Variants in ADAMTS3 observed in about 807,000 individuals in gnomAD.
ADAMTS3 encodes the protein ADAM metallopeptidase with thrombospondin type 1 motif 3.
A neutral mutation model predicts 129.0 loss-of-function variants in ADAMTS3; 73 were observed. That is an observed-to-expected ratio of 0.57 (90% CI 0.47 to 0.69). The LOEUF is 0.69. Ranked by LOEUF, ADAMTS3 falls within the 30% of genes least tolerant of loss-of-function variation. ADAMTS3 has a pLI of 0.00. For synonymous variants in ADAMTS3, 477 were observed against 510.8 expected (o/e 0.93, Z 0.89); for missense variants, 1,457 against 1,514.5 (o/e 0.96, Z 0.63).
chr4:72,481,646 T>C (rs1719439754), intron 3 of ADAMTS3, among the ~76,000 whole-genome samples: 2 of 151,680 alleles, frequency 1.3e-5, no homozygotes, highest in Non-Finnish European at 2.9e-5. Context: ...AGGCAAAGAG[T>C]TCTTATGACA....
chr4:72,345,617 C>G (rs1720260083), intron 4 of ADAMTS3, among the ~76,000 whole-genome samples: 1 of 152,062 alleles, frequency 6.6e-6, no homozygotes, highest in Admixed American at 6.6e-5. Context: ...AAAAGTTTCA[C>G]TAAGTACCTG....
chr4:72,312,274 A>T lies in ADAMTS3; in HGVS notation c.1921+17T>A. The T allele has an allele frequency of 2.5e-6, 4 of 1,613,020 alleles. No individual in the cohort carries two copies. Among genetic ancestry groups the T allele is most frequent in the Non-Finnish European group, 3.4e-6 (4 of 1,179,388 alleles). Reference sequence around the variant, plus strand: ...TAACCATCCACACAGCAGGAAGGAGAGCACGAGGCTACTCACGGTCAGGAT... The same window carrying T: ...TAACCATCCACACAGCAGGAAGGAGTGCACGAGGCTACTCACGGTCAGGAT... On this transcript the variant is annotated intron_variant, in intron 13 of 21. Transcript: ENST00000286657.
At chr4:72,530,357 A>T (rs1264874561) in intron 3 of ADAMTS3, among the ~76,000 whole-genome samples, 2 of 85,140 alleles carry the variant, frequency 2.3e-5, no homozygotes, top group Non-Finnish European at 4.0e-5. Flanking sequence ...ATATTAAATT[A>T]ATATATAAAT....
chr4:72,303,435 A>G (rs542521170), intron 17 of ADAMTS3, among the ~76,000 whole-genome samples: 2 of 152,250 alleles, frequency 1.3e-5, no homozygotes, highest in Admixed American at 6.5e-5. Context: ...CTCAAATTCT[A>G]TATCTAGTAA....
intron 17 of ADAMTS3, among the ~76,000 whole-genome samples, chr4:72,303,199 C>CGA (rs1718996527): frequency 6.6e-6 from 1 of 152,136 alleles, no homozygotes; most frequent in Non-Finnish European, 1.5e-5. Flanking sequence ...ACCTCAGATT[C>CGA]CCCTCTTTCT....
intron 4 of ADAMTS3, among the ~76,000 whole-genome samples, chr4:72,412,367 A>T (rs1037706127): frequency 2.6e-5 from 4 of 151,998 alleles, no homozygotes; most frequent in African/African-American, 4.8e-5. Flanking sequence ...CCTAAACCTA[A>T]TTTTTTTCAA....
chr4:72,318,959 T>C (rs760687240), intron 9 of ADAMTS3, among the ~76,000 whole-genome samples: 2 of 152,158 alleles, frequency 1.3e-5, no homozygotes, highest in Non-Finnish European at 2.9e-5. Flanking sequence ...GAGTCACTAA[T>C]TAAACCACCA....
chr4:72,529,952 TATATAATATATTATATTTATATATAA>T lies in ADAMTS3; in HGVS notation c.504+18500_504+18525del, dbSNP rs1268005263. On this transcript the variant is annotated intron_variant, in intron 3 of 21. Coordinates refer to ENST00000286657, the MANE Select transcript of ADAMTS3 (RefSeq NM_014243.3). ...TATAATATATTATATTTATATATAA[TATATAATATATTATATTTATATATAA>T]ATATAATATATTATATTTATATATA... Among the ~76,000 whole-genome samples the T allele has an allele frequency of 1.7e-3, 44 of 25,416 alleles. 2 individuals are homozygous for T. The highest frequency in any genetic ancestry group is 4.7e-3 in the South Asian group (2 of 424). 16.7% of individuals were successfully genotyped at this position (25,416 alleles called of 152,430 possible). A position where few individuals can be genotyped will look rare whatever the true frequency, so the allele number is the denominator to read the frequency against.
intron 21 of ADAMTS3, among the ~76,000 whole-genome samples, chr4:72,287,641 G>A (rs1371837348): frequency 2.0e-5 from 3 of 152,086 alleles, no homozygotes; most frequent in Admixed American, 1.3e-4. Flanking sequence ...CCTCGAAAAA[G>A]CATGTGTGGC....
chr4:72,313,993 G>A (rs577831301), intron 11 of ADAMTS3, among the ~76,000 whole-genome samples, 171 bp from the exon 12 acceptor site: 1 of 151,646 alleles, frequency 6.6e-6, no homozygotes, highest in Non-Finnish European at 1.5e-5. Context: ...CCCTATTAAA[G>A]GGTAATTTAG....
chr4:72,508,365 T>C (rs908794025), intron 3 of ADAMTS3, among the ~76,000 whole-genome samples: 3 of 152,010 alleles, frequency 2.0e-5, no homozygotes, highest in Non-Finnish European at 4.4e-5. Context: ...ACCTAAAAAA[T>C]TGAGAGTTAT....
intron 4 of ADAMTS3, among the ~76,000 whole-genome samples, chr4:72,393,728 T>C (rs1195734587): frequency 4.6e-5 from 7 of 152,190 alleles, no homozygotes; most frequent in African/African-American, 1.4e-4. Flanking sequence ...ATCATTTTAT[T>C]AATAAGATAG....
chr4:72,318,323 C>G (rs779043591), intron 10 of ADAMTS3, among the ~76,000 whole-genome samples: 1 of 152,178 alleles, frequency 6.6e-6, no homozygotes, highest in Non-Finnish European at 1.5e-5. Context: ...AAGCAAGTTG[C>G]TTAATCTCTA....
chr4:72,468,860 A>C (rs1309713018), intron 3 of ADAMTS3, among the ~76,000 whole-genome samples: 5 of 152,164 alleles, frequency 3.3e-5, no homozygotes, highest in South Asian at 4.1e-4. Context: ...CACCAGTCAC[A>C]CATCTAAGTT....
intron 3 of ADAMTS3, among the ~76,000 whole-genome samples, chr4:72,516,323 C>CT (rs991394725): frequency 3.3e-5 from 5 of 152,088 alleles, no homozygotes; most frequent in African/African-American, 1.2e-4. Context: ...AATGCGGGCT[C>CT]TTTTTTGTTC....
At chr4:72,378,286 T>A (rs1721185426) in intron 4 of ADAMTS3, among the ~76,000 whole-genome samples, 1 of 152,154 alleles carries the variant, frequency 6.6e-6, no homozygotes, top group Non-Finnish European at 1.5e-5. Flanking sequence ...TATTATCAAT[T>A]CAGCACAAAG....
chr4:72,330,561 C>A (rs1343058049), intron 5 of ADAMTS3: 2 of 152,224 alleles, frequency 1.3e-5, no homozygotes, highest in African/African-American at 2.4e-5. Flanking sequence ...CCGCAGACAT[C>A]TGTCAAACCT....
At chr4:72,294,159 T>A (rs971497206) in intron 19 of ADAMTS3, among the ~76,000 whole-genome samples, 2 of 152,088 alleles carry the variant, frequency 1.3e-5, no homozygotes, top group Admixed American at 6.6e-5. Flanking sequence ...TGGAGGAAGT[T>A]ATGCTAAGTG....
At chr4:72,347,458 T>C (rs1159680961) in intron 4 of ADAMTS3, among the ~76,000 whole-genome samples, 1 of 151,562 alleles carries the variant, frequency 6.6e-6, no homozygotes, top group Non-Finnish European at 1.5e-5. Context: ...GGCTACACAG[T>C]GCTCTGAAAA....
Sources: gnomAD v4.1 joint callset for allele counts (sites outside exome capture counted in the v4.1 genomes callset) on GRCh38, gnomAD v4.1.1 for gene constraint, MANE v1.5 for transcripts, NCBI Gene and HGNC (gene_info 2026-07-23, HGNC 2026-07-21) for gene names.